The following PAPPA variants were observed in gnomAD, a reference collection of about 807,000 sequenced individuals.
PAPPA encodes pappalysin-1.
PAPPA carries 60 observed loss-of-function variants against 164.0 expected under a neutral mutation model. The ratio of observed to expected loss-of-function variants is 0.37; its 90% CI spans 0.30 to 0.45. The LOEUF (loss-of-function observed/expected upper bound fraction) is 0.45. Among genes scored for constraint, PAPPA ranks in the 20% least tolerant of loss-of-function variants. PAPPA has a pLI of 1.00. For missense variants in PAPPA, 1,782 were observed against 2,087.3 expected (o/e 0.85, Z 2.85); for synonymous variants, 875 against 814.1 (o/e 1.07, Z -1.27).
At chr9:116,167,122 C>T (rs955896675) in intron 1 of PAPPA, among the ~76,000 whole-genome samples, 15 of 149,934 alleles carry the variant, frequency 1.0e-4, no homozygotes, top group African/African-American at 3.6e-4. Flanking sequence ...GCATTTCCCA[C>T]CTTTAACTAG....
intron 1 of PAPPA, among the ~76,000 whole-genome samples, chr9:116,158,090 C>G (rs1419984041): frequency 6.6e-6 from 1 of 152,162 alleles, no homozygotes; most frequent in Non-Finnish European, 1.5e-5. Context: ...TTCGGAATTC[C>G]TGCTCAGAAG....
chr9:116,362,592 G>A lies in PAPPA; in HGVS notation c.4348G>A (p.Gly1450Arg). Residue 1450 changes from glycine (G) to arginine (R), a missense_variant and splice_region_variant, in exon 18 of 22, where the codon GGA becomes AGA. By Grantham distance (125) the Gly-to-Arg change is moderately radical. This residue lies in a region of PAPPA where 1,324 missense variants were observed against 1,656.9 expected (regional missense o/e 0.80). Coordinates refer to ENST00000328252, the MANE Select transcript of PAPPA (RefSeq NM_002581.5). ...IKCEDSDASQ[G>R]LGSNVIHCRK... is the part of the protein sequence containing the mutation. ...CTAACTCTGTTTCTCTGTTGTTCAG[G>A]GACTTGGGAGCAATGTCATTCATTG... The A allele has an allele frequency of 6.2e-7, 1 of 1,613,182 alleles. No homozygotes were observed. The highest frequency in any genetic ancestry group is 8.5e-7 in the Non-Finnish European group (1 of 1,179,514).
At position 116,400,816 on chromosome 9, in the gene PAPPA, G is replaced by T. The variant is rs982082338; in HGVS notation, c.*4200G>T. On this transcript the variant is annotated 3_prime_UTR_variant, in exon 22 of 22. Coordinates refer to ENST00000328252, the MANE Select transcript of PAPPA (RefSeq NM_002581.5). Reference sequence around the variant, plus strand: ...CCAAAAGAGAAATTATGTCCCTGTTGTACAGAAGTTAGAATTTTTGACTCC... The same window carrying T: ...CCAAAAGAGAAATTATGTCCCTGTTTTACAGAAGTTAGAATTTTTGACTCC... 1 of 152,612 alleles carries T rather than the reference G, an allele frequency of 6.6e-6. No individual in the cohort carries two copies. The highest frequency in any genetic ancestry group is 1.5e-5 in the Non-Finnish European group (1 of 68,042). 9.5% of individuals were successfully genotyped at this position (152,612 alleles called of 1,614,324 possible).
At chr9:116,260,743 TAA>T (rs34078778) in intron 7 of PAPPA, among the ~76,000 whole-genome samples, 2 of 150,004 alleles carry the variant, frequency 1.3e-5, no homozygotes, top group East Asian at 3.9e-4. Context: ...CTTTCATAGT[TAA>T]AAAAAAAATG....
At chr9:116,376,398 C>T (rs879662852) in intron 19 of PAPPA, among the ~76,000 whole-genome samples, 1 of 152,050 alleles carries the variant, frequency 6.6e-6, no homozygotes, top group African/African-American at 2.4e-5. Flanking sequence ...CTTATTTCAC[C>T]CACTTTTTAA....
chr9:116,383,532 G>A (rs1281359180), intron 21 of PAPPA, among the ~76,000 whole-genome samples: 1 of 126,880 alleles, frequency 7.9e-6, no homozygotes, highest in Non-Finnish European at 1.8e-5. Flanking sequence ...CAAAGTGAAT[G>A]ATAGAAAGAG....
chr9:116,161,549 G>A (rs1300466002), intron 1 of PAPPA, among the ~76,000 whole-genome samples: 53 of 152,116 alleles, frequency 3.5e-4, no homozygotes, highest in Admixed American at 3.5e-3. Flanking sequence ...AATGGATATG[G>A]ACTGACATTG....
chr9:116,213,988 C>T (rs1844341098), intron 4 of PAPPA, among the ~76,000 whole-genome samples: 1 of 152,166 alleles, frequency 6.6e-6, no homozygotes, highest in Non-Finnish European at 1.5e-5. Flanking sequence ...GCTGGGTCAA[C>T]TTCTTCTCGT....
rs989671660 is a variant in PAPPA at position 116,219,937 on chromosome 9, A to G, written c.1919A>G (p.Asp640Gly). 2 of 1,605,858 alleles carry G rather than the reference A, an allele frequency of 1.2e-6. No individual in the cohort carries two copies. The highest frequency in any genetic ancestry group is 1.7e-6 in the Non-Finnish European group (2 of 1,174,032). Residue 640 changes from aspartate (D) to glycine (G), a missense_variant and splice_region_variant, in exon 5 of 22, where the codon GAT (aspartate) becomes GGT (glycine). This residue lies in a region of PAPPA where 1,324 missense variants were observed against 1,656.9 expected (regional missense o/e 0.80). Coordinates refer to ENST00000328252, the MANE Select transcript of PAPPA (RefSeq NM_002581.5). ...TATCTCTCCCTCTGCCTGCTTGCAG[A>G]TGACGACTGTACGGACTCCTTCACG... ...TPYNNFMSYA[D>G]DDCTDSFTPN...
rs1469268898 is a variant in PAPPA, at chr9:116,207,372, CT to C, written c.1479-83del. The C allele has an allele frequency of 9.6e-6, 11 of 1,144,924 alleles. No homozygotes were observed. In the Admixed American group the frequency reaches 2.4e-4, roughly 24 times the overall value. The allele number at this position is 1,144,924 out of a possible 1,614,324, so 70.9% of individuals were successfully genotyped here. On this transcript the variant is annotated intron_variant, in intron 2 of 21. Transcript: ENST00000328252. ...AAAGTGCTTAGCAAAATGCCTGGCA[CT>C]CATAGTAGCTCTAAATTATTTGGAG...
intron 9 of PAPPA, among the ~76,000 whole-genome samples, chr9:116,292,268 G>C (rs1414496138): frequency 6.6e-6 from 1 of 152,180 alleles, no homozygotes; most frequent in Non-Finnish European, 1.5e-5. Flanking sequence ...GCATGGCGTA[G>C]TTTACGTTTT....
intron 9 of PAPPA, among the ~76,000 whole-genome samples, chr9:116,280,632 G>A (rs531368444): frequency 3.4e-4 from 51 of 152,142 alleles, no homozygotes; most frequent in African/African-American, 1.1e-3. Flanking sequence ...GAAGGAAGGA[G>A]AAGTTGACTC....
intron 19 of PAPPA, among the ~76,000 whole-genome samples, chr9:116,375,398 C>G (rs1043973427): frequency 6.6e-6 from 1 of 152,194 alleles, no homozygotes; most frequent in Non-Finnish European, 1.5e-5. Context: ...TGGCTACATT[C>G]AGCCTATACT....
chr9:116,168,258 C>T (rs955597097), intron 1 of PAPPA, among the ~76,000 whole-genome samples: 2 of 152,184 alleles, frequency 1.3e-5, no homozygotes, highest in Non-Finnish European at 2.9e-5. Flanking sequence ...TAACCATTCA[C>T]CCTTCTATTT....
At position 116,159,145 on chromosome 9, in the gene PAPPA, A is replaced by G. The variant is rs1587933109; in HGVS notation, c.415+4558A>G. Among the ~76,000 whole-genome samples the G allele has an allele frequency of 2.0e-5, 3 of 152,218 alleles. No individual in the cohort carries two copies. The South Asian group carries it at 6.2e-4, about 32-fold the overall frequency. On this transcript the variant is annotated intron_variant, in intron 1 of 21. Transcript: ENST00000328252. The stretch of plus-strand genomic sequence containing the variant: ...CAAATTATCAGACAGACAGGCTTGG[A>G]ATTTCTCTTACATGCTGTGTAATTT...
At chr9:116,224,197 C>T (rs977502879) in intron 5 of PAPPA, among the ~76,000 whole-genome samples, 1 of 152,208 alleles carries the variant, frequency 6.6e-6, no homozygotes, top group Non-Finnish European at 1.5e-5. Context: ...CAGCCTGTGT[C>T]CTCACACATG....
chr9:116,396,431 T>G (rs1846963912), intron 21 of PAPPA, 78 bp from the exon 22 acceptor site: 1 of 763,894 alleles, frequency 1.3e-6, no homozygotes, highest in African/African-American at 1.7e-5. Flanking sequence ...ATCCAGTGAT[T>G]GTATCCCTGC....
chr9:116,256,571 A>G (rs542134831), intron 7 of PAPPA, among the ~76,000 whole-genome samples: 1 of 152,086 alleles, frequency 6.6e-6, no homozygotes, highest in South Asian at 2.1e-4. Context: ...ATAAATTAAT[A>G]TAGTTTTCAG....
At chr9:116,298,450 G>C (rs1449171505) in intron 9 of PAPPA, among the ~76,000 whole-genome samples, 1 of 152,212 alleles carries the variant, frequency 6.6e-6, no homozygotes, top group Non-Finnish European at 1.5e-5. Context: ...CCACATGAAA[G>C]GGAATGAATC....
Sources: allele counts gnomAD v4.1 joint callset (sites outside exome capture counted in the v4.1 genomes callset), GRCh38; gene constraint gnomAD v4.1.1; regional missense constraint gnomAD v4.1.1; transcripts MANE v1.5; gene names NCBI Gene and HGNC (gene_info 2026-07-23, HGNC 2026-07-21).